The following DLC1 variants were observed in gnomAD, a reference collection of about 807,000 sequenced individuals.
DLC1 encodes the protein rho GTPase-activating protein 7.
In DLC1, 54 loss-of-function variants were observed where a neutral mutation model predicts 140.3. The observed-to-expected ratio is 0.38, with a 90% CI of 0.31 to 0.48. The LOEUF (loss-of-function observed/expected upper bound fraction) is 0.48, where lower values mean the gene tolerates loss of function less well. Among genes scored for constraint, DLC1 ranks in the 20% least tolerant of loss-of-function variants. The probability of loss-of-function intolerance (pLI) is 0.96; values close to 1 mark genes in which losing one functional copy is unlikely to be tolerated. For synonymous variants in DLC1, 986 were observed against 728.1 expected (o/e 1.35, Z -5.70); for missense variants, 2,536 against 1,907.0 (o/e 1.33, Z -6.14).
At chr8:13,436,108 A>G (rs556993080) in intron 2 of DLC1, among the ~76,000 whole-genome samples, 1 of 152,236 alleles carries the variant, frequency 6.6e-6, no homozygotes, top group Admixed American at 6.5e-5. Flanking sequence ...TTTTATATGC[A>G]CTGGGAAACC....
chr8:13,373,415 G>A (rs1259726829), intron 4 of DLC1, among the ~76,000 whole-genome samples: 1 of 152,092 alleles, frequency 6.6e-6, no homozygotes, highest in African/African-American at 2.4e-5. Context: ...CGGATGTACA[G>A]GACAAAGTTG....
intron 4 of DLC1, among the ~76,000 whole-genome samples, chr8:13,356,152 A>G (rs1397217278): frequency 6.8e-6 from 1 of 146,490 alleles, no homozygotes; most frequent in Non-Finnish European, 1.5e-5. Context: ...TTTTTTGATG[A>G]TGCAGGGGAG....
At chr8:13,365,673 A>G (rs1384345845) in intron 4 of DLC1, among the ~76,000 whole-genome samples, 4 of 152,124 alleles carry the variant, frequency 2.6e-5, no homozygotes, top group Non-Finnish European at 4.4e-5. Flanking sequence ...GTTTCCAGAC[A>G]TGTGTCATTT....
intron 3 of DLC1, among the ~76,000 whole-genome samples, chr8:13,398,146 C>A (rs754453009): frequency 6.6e-6 from 1 of 151,578 alleles, no homozygotes; most frequent in African/African-American, 2.4e-5. Flanking sequence ...AAGAACAAGA[C>A]CTTGTCTCTA....
chr8:13,295,366 A>G (rs1366378876), intron 5 of DLC1, among the ~76,000 whole-genome samples: 3 of 152,152 alleles, frequency 2.0e-5, no homozygotes, highest in East Asian at 1.9e-4. Context: ...AAATTTAAGA[A>G]CTCTGTGAGA....
At chr8:13,300,484 C>G (rs1193774550) in intron 5 of DLC1, among the ~76,000 whole-genome samples, 3 of 152,186 alleles carry the variant, frequency 2.0e-5, no homozygotes, top group Non-Finnish European at 4.4e-5. Context: ...TCTCCAACCT[C>G]ATTGTCCCAC....
intron 5 of DLC1, among the ~76,000 whole-genome samples, chr8:13,147,989 A>C (rs1009466605): frequency 6.6e-6 from 1 of 152,216 alleles, no homozygotes; most frequent in Non-Finnish European, 1.5e-5. Context: ...TCCATCTCAA[A>C]AAAAGAAGAA....
intron 4 of DLC1, among the ~76,000 whole-genome samples, chr8:13,361,527 A>G (rs1381507708): frequency 1.3e-5 from 2 of 151,994 alleles, no homozygotes; most frequent in South Asian, 2.1e-4. Flanking sequence ...CAGCCTTTCA[A>G]GTAGCTGGGA....
chr8:13,144,802 A>T (rs927158793), intron 5 of DLC1, among the ~76,000 whole-genome samples: 1 of 152,108 alleles, frequency 6.6e-6, no homozygotes, highest in Non-Finnish European at 1.5e-5. Context: ...TCTCTCATCC[A>T]TCTATCTATT....
chr8:13,445,608 G>A (rs1049722849), intron 2 of DLC1, among the ~76,000 whole-genome samples: 1 of 152,172 alleles, frequency 6.6e-6, no homozygotes, highest in Non-Finnish European at 1.5e-5. Context: ...CCACAGTAAT[G>A]AGTGAGGACA....
intron 1 of DLC1, among the ~76,000 whole-genome samples, chr8:13,506,484 C>T (rs1444195601): frequency 2.0e-5 from 3 of 150,090 alleles, no homozygotes; most frequent in African/African-American, 7.4e-5. Context: ...ATTAGCCATC[C>T]CATGTTAAAT....
chr8:13,438,912 C>A (rs1839239481), intron 2 of DLC1, among the ~76,000 whole-genome samples: 1 of 152,170 alleles, frequency 6.6e-6, no homozygotes, highest in Admixed American at 6.5e-5. Flanking sequence ...CGTATTTTAG[C>A]CTTCGTGTGC....
chr8:13,133,820 G>A (rs893696515), intron 5 of DLC1, among the ~76,000 whole-genome samples: 2 of 152,124 alleles, frequency 1.3e-5, no homozygotes, highest in African/African-American at 4.8e-5. Flanking sequence ...GAAGCGGAGA[G>A]GAAGGGATGG....
chr8:13,593,222 C>T (rs1441937831), intron 1 of DLC1, among the ~76,000 whole-genome samples: 1 of 152,062 alleles, frequency 6.6e-6, no homozygotes, highest in African/African-American at 2.4e-5. Flanking sequence ...TCCCTAATTC[C>T]AAATGCATGG....
chr8:13,554,341 C>G (rs958003835), intron 1 of DLC1, among the ~76,000 whole-genome samples: 1 of 152,146 alleles, frequency 6.6e-6, no homozygotes, highest in East Asian at 1.9e-4. Flanking sequence ...GCTGGGATTA[C>G]GCGCGTGAGC....
In DLC1 at chr8:13,088,534, G is replaced by C. The variant is rs1421929139; in HGVS notation, c.4245C>G (p.Val1415=). 1 of 1,614,166 alleles carries C rather than the reference G, an allele frequency of 6.2e-7. No individual in the cohort carries two copies. Among genetic ancestry groups the C allele is most frequent in the Non-Finnish European group, 8.5e-7 (1 of 1,180,044 alleles). The part of the protein sequence containing the change: ...LDSQTEIYQY[V]QNSMAPHPAR... Reference sequence around the variant, plus strand: ...CAGGATGAGGTGCCATACTGTTTTGGACATACTGGTAAATTTCAGTTTGGC... The same window carrying C: ...CAGGATGAGGTGCCATACTGTTTTGCACATACTGGTAAATTTCAGTTTGGC... Residue 1415 remains valine (V), a synonymous_variant, in exon 16 of 18, where the codon GTC becomes GTG. Coordinates refer to ENST00000276297, the MANE Select transcript of DLC1 (RefSeq NM_182643.3).
At chr8:13,389,479 A>C (rs74374984) in intron 4 of DLC1, among the ~76,000 whole-genome samples, 1 of 152,108 alleles carries the variant, frequency 6.6e-6, no homozygotes, top group African/African-American at 2.4e-5. Flanking sequence ...TTAGGAGAGA[A>C]ATTGATGAGC....
chr8:13,579,110 A>G (rs1278777352), intron 1 of DLC1, among the ~76,000 whole-genome samples: 1 of 150,668 alleles, frequency 6.6e-6, no homozygotes, highest in Non-Finnish European at 1.5e-5. Flanking sequence ...AGACTCTCCT[A>G]TCACTCATTA....
intron 1 of DLC1, among the ~76,000 whole-genome samples, chr8:13,534,768 A>C (rs559942823): frequency 5.3e-5 from 8 of 152,318 alleles, no homozygotes; most frequent in South Asian, 2.1e-4. Flanking sequence ...GACACCAGCA[A>C]TATTTTGTTG....
Sources: gnomAD v4.1 joint callset for allele counts (sites outside exome capture counted in the v4.1 genomes callset) on GRCh38, gnomAD v4.1.1 for gene constraint, MANE v1.5 for transcripts, NCBI Gene and HGNC (gene_info 2026-07-23, HGNC 2026-07-21) for gene names.